Variants in CSMD1 observed in about 807,000 individuals in gnomAD.
CSMD1 encodes the protein CUB and sushi domain-containing protein 1.
CSMD1 carries 213 observed loss-of-function variants against 417.5 expected under a neutral mutation model. That is an observed-to-expected ratio of 0.51 (90% confidence interval 0.46 to 0.57). The LOEUF (loss-of-function observed/expected upper bound fraction) is 0.57, where lower values mean the gene tolerates loss of function less well. Ranked by LOEUF, CSMD1 falls within the 20% of genes least tolerant of loss-of-function variation. The pLI is 0.00. For synonymous variants in CSMD1, 2,862 were observed against 1,736.8 expected, an observed-to-expected ratio of 1.65 and a Z score of -16.11; for missense variants, 6,923 against 4,529.7, an observed-to-expected ratio of 1.53 and a Z score of -15.17.
At chr8:3,935,482 T>C (rs1351919989) in intron 5 of CSMD1, among the ~76,000 whole-genome samples, 1 of 152,194 alleles carries the variant, frequency 6.6e-6, no homozygotes, top group Admixed American at 6.6e-5. Context: ...GTGTCATTAT[T>C]CCAATTGCAT....
chr8:3,989,046 T>C (rs1419948790), intron 5 of CSMD1, among the ~76,000 whole-genome samples: 4 of 152,222 alleles, frequency 2.6e-5, no homozygotes, highest in Admixed American at 6.5e-5. Flanking sequence ...GTTTTTCTTT[T>C]TCATTGTAGG....
At chr8:3,764,628 G>A (rs1196545200) in intron 5 of CSMD1, among the ~76,000 whole-genome samples, 5 of 151,950 alleles carry the variant, frequency 3.3e-5, no homozygotes, top group African/African-American at 1.2e-4. Context: ...TATCCACATT[G>A]TGACTTACCA....
chr8:4,080,461 T>C (rs1357149421), intron 3 of CSMD1, among the ~76,000 whole-genome samples: 1 of 152,236 alleles, frequency 6.6e-6, no homozygotes, highest in African/African-American at 2.4e-5. Context: ...ATATGATCAA[T>C]AAGGTTTTAT....
chr8:4,067,058 G>A (rs1237336344), intron 3 of CSMD1, among the ~76,000 whole-genome samples: 1 of 152,214 alleles, frequency 6.6e-6, no homozygotes, highest in African/African-American at 2.4e-5. Flanking sequence ...GTTGCCACAT[G>A]GCGAAGACTG....
intron 12 of CSMD1, among the ~76,000 whole-genome samples, chr8:3,416,796 T>C (rs1813180463): frequency 6.6e-6 from 1 of 152,236 alleles, no homozygotes; most frequent in African/African-American, 2.4e-5. Context: ...CTTTGTTCTC[T>C]GTGACCTGTC....
intron 12 of CSMD1, among the ~76,000 whole-genome samples, chr8:3,426,926 A>T (rs1269533478): frequency 6.6e-6 from 1 of 152,216 alleles, no homozygotes; most frequent in Non-Finnish European, 1.5e-5. Flanking sequence ...GGGAGGCCTC[A>T]GGAAACTTAC....
intron 5 of CSMD1, among the ~76,000 whole-genome samples, chr8:3,829,420 T>A (rs1189400665): frequency 6.6e-6 from 1 of 152,192 alleles, no homozygotes; most frequent in East Asian, 1.9e-4. Flanking sequence ...CAGAATGAGA[T>A]AAGTCAATAC....
chr8:3,429,818 G>C (rs1057104991), intron 12 of CSMD1, among the ~76,000 whole-genome samples: 3 of 152,066 alleles, frequency 2.0e-5, no homozygotes, highest in Non-Finnish European at 1.5e-5. Context: ...ATTACAGATA[G>C]TCCCACCTCC....
intron 2 of CSMD1, among the ~76,000 whole-genome samples, chr8:4,589,434 A>G (rs556842921): frequency 3.9e-4 from 60 of 152,188 alleles, no homozygotes; most frequent in Non-Finnish European, 6.3e-4. Flanking sequence ...TTTTTTACCA[A>G]TACTAAGAAT....
chr8:4,871,820 T>A (rs902448823), intron 1 of CSMD1, among the ~76,000 whole-genome samples: 1 of 152,082 alleles, frequency 6.6e-6, no homozygotes, highest in Non-Finnish European at 1.5e-5. Context: ...TCCAGTAACA[T>A]CAGAGGACAG....
chr8:4,849,045 T>C (rs1373759963), intron 1 of CSMD1, among the ~76,000 whole-genome samples: 2 of 152,232 alleles, frequency 1.3e-5, no homozygotes, highest in South Asian at 2.1e-4. Context: ...ACACCTGTTA[T>C]AGTCCCTGAA....
rs558540503 is a variant in CSMD1, at chr8:3,636,499, G to A, written c.1010-19702C>T. Among the ~76,000 whole-genome samples, 4 of 152,254 alleles carry A rather than the reference G, an allele frequency of 2.6e-5. No individual in the cohort carries two copies. The East Asian group carries it at 5.8e-4, about 22-fold the overall frequency. On this transcript the variant is annotated intron_variant, in intron 7 of 69. Transcript: ENST00000635120. ...GTCCCTGGAAGTAAAATCTTTAGGA[G>A]TCTATCTAAGCCAGTCAAACCCCTT...
intron 5 of CSMD1, among the ~76,000 whole-genome samples, chr8:3,880,264 C>G (rs1469644541): frequency 6.6e-6 from 1 of 152,144 alleles, no homozygotes; most frequent in African/African-American, 2.4e-5. Flanking sequence ...TTCATGAGAA[C>G]TCAAATTCTC....
chr8:4,045,346 T>C (rs549511462), intron 3 of CSMD1, among the ~76,000 whole-genome samples: 1 of 152,310 alleles, frequency 6.6e-6, no homozygotes, highest in African/African-American at 2.4e-5. Context: ...GTGTATGATA[T>C]GAGCAGACGA....
chr8:4,882,609 G>C (rs1803485316), intron 1 of CSMD1, among the ~76,000 whole-genome samples: 1 of 151,868 alleles, frequency 6.6e-6, no homozygotes, highest in Non-Finnish European at 1.5e-5. Context: ...AAGATGCAAT[G>C]AGGTATTCAA....
intron 5 of CSMD1, among the ~76,000 whole-genome samples, chr8:3,884,704 T>C (rs965579651): frequency 6.6e-6 from 1 of 152,066 alleles, no homozygotes; most frequent in African/African-American, 2.4e-5. Flanking sequence ...CTAACTCAAC[T>C]GAGAAAATGT....
At chr8:3,556,720 T>A (rs1189843861) in intron 10 of CSMD1, among the ~76,000 whole-genome samples, 1 of 151,952 alleles carries the variant, frequency 6.6e-6, no homozygotes, top group African/African-American at 2.4e-5. Context: ...GACTTAACAT[T>A]TAACTTCTCC....
intron 1 of CSMD1, among the ~76,000 whole-genome samples, chr8:4,988,872 C>G (rs139071088): frequency 2.0e-5 from 3 of 152,202 alleles, no homozygotes; most frequent in African/African-American, 7.2e-5. Flanking sequence ...TCCCTATAAT[C>G]AGTCAATTTC....
rs546634823 is a variant in CSMD1, at chr8:3,286,491, T to G, written c.3951-2145A>C. 1.8e-4 allele frequency among the ~76,000 whole-genome samples: 28 copies of G among 152,172 alleles called. No individual in the cohort carries two copies. In the East Asian group the frequency reaches 2.5e-3, roughly 14 times the overall value. On this transcript the variant is annotated intron_variant, in intron 25 of 69. Coordinates refer to ENST00000635120, the MANE Select transcript of CSMD1 (RefSeq NM_033225.6). ...CTCCACATCCTCTCCAGCACCTGTT[T>G]TTTCCTGACTTGTTAATGATCGCCA...
Sources: gnomAD v4.1 joint callset for allele counts (sites outside exome capture counted in the v4.1 genomes callset) on GRCh38, gnomAD v4.1.1 for gene constraint, MANE v1.5 for transcripts, NCBI Gene and HGNC (gene_info 2026-07-23, HGNC 2026-07-21) for gene names.